The following XKR9 variants were observed in gnomAD, a reference collection of about 807,000 sequenced individuals.
The protein encoded by XKR9 is XK-related protein 9.
A neutral mutation model predicts 32.0 loss-of-function variants in XKR9; 32 were observed. The ratio of observed to expected loss-of-function variants is 1.00; its 90% CI spans 0.76 to 1.34. The LOEUF is 1.34. XKR9 is among the 40% of genes most tolerant of loss of function. The pLI is 0.00. For missense variants in XKR9, 546 were observed against 429.7 expected (o/e 1.27, Z -2.39); for synonymous variants, 168 against 143.4 (o/e 1.17, Z -1.22).
intron 2 of XKR9, among the ~76,000 whole-genome samples, chr8:70,762,583 G>A (rs1272048706): frequency 6.6e-6 from 1 of 152,160 alleles, no homozygotes; most frequent in Non-Finnish European, 1.5e-5. Context: ...CACCTCACCT[G>A]CATCCATGGA....
At chr8:70,690,861 A>G (rs367715457) in intron 3 of XKR9, among the ~76,000 whole-genome samples, 9 of 152,036 alleles carry the variant, frequency 5.9e-5, no homozygotes, top group African/African-American at 2.2e-4. Flanking sequence ...TGTCTTTGCT[A>G]TTGTGAACAG....
At chr8:70,784,230 T>C (rs941302178) in intron 2 of XKR9, among the ~76,000 whole-genome samples, 1 of 152,214 alleles carries the variant, frequency 6.6e-6, no homozygotes, top group Non-Finnish European at 1.5e-5. Context: ...TTTTTCCATT[T>C]CTATGTAAAA....
the XKR9 span, among the ~76,000 whole-genome samples, chr8:70,984,800 A>G: frequency 6.6e-6 from 1 of 152,246 alleles, no homozygotes. Flanking sequence ...AACTAAAAAA[A>G]TATTAATTGG....
chr8:71,032,059 T>C, the XKR9 span, among the ~76,000 whole-genome samples: 4 of 152,124 alleles, frequency 2.6e-5, no homozygotes, highest in Non-Finnish European at 4.4e-5. Context: ...TTTGGCAGGC[T>C]GAGGTGGGTG....
At chr8:70,713,695 AATG>A (rs1805995752) in intron 4 of XKR9, among the ~76,000 whole-genome samples, 1 of 152,170 alleles carries the variant, frequency 6.6e-6, no homozygotes, top group Non-Finnish European at 1.5e-5. Flanking sequence ...AATACAGGAC[AATG>A]ATAACATGTA....
At chr8:70,840,593 C>A in the XKR9 span, among the ~76,000 whole-genome samples, 2 of 152,004 alleles carry the variant, frequency 1.3e-5, no homozygotes, top group Non-Finnish European at 2.9e-5. Flanking sequence ...TGATTCCATC[C>A]TCAGACTTCT....
chr8:70,764,233 C>A (rs925511615), intron 2 of XKR9, among the ~76,000 whole-genome samples: 1 of 152,152 alleles, frequency 6.6e-6, no homozygotes, highest in African/African-American at 2.4e-5. Context: ...CTTCTCTGCC[C>A]TCTTTACTCT....
chr8:70,816,819 T>G, the XKR9 span, among the ~76,000 whole-genome samples: 1 of 152,178 alleles, frequency 6.6e-6, no homozygotes, highest in Admixed American at 6.5e-5. Flanking sequence ...TGGTTCAACA[T>G]GTGCAAATCA....
At chr8:70,908,380 AC>A in the XKR9 span, among the ~76,000 whole-genome samples, 1 of 152,134 alleles carries the variant, frequency 6.6e-6, no homozygotes, top group Admixed American at 6.6e-5. Context: ...TGTCAATATA[AC>A]CCTCTAAATC....
chr8:70,815,049 A>G, the XKR9 span, among the ~76,000 whole-genome samples: 15 of 152,298 alleles, frequency 9.8e-5, no homozygotes, highest in African/African-American at 3.6e-4. Flanking sequence ...AAAGATCTCT[A>G]TAAGGACAAG....
the XKR9 span, among the ~76,000 whole-genome samples, chr8:70,953,362 A>C: frequency 5.9e-5 from 9 of 152,214 alleles, no homozygotes; most frequent in Non-Finnish European, 1.3e-4. Flanking sequence ...CCTAGGCTGG[A>C]GTGCAGTAGC....
intron 1 of XKR9, among the ~76,000 whole-genome samples, chr8:70,672,737 C>G (rs1009649987): frequency 6.6e-6 from 1 of 152,034 alleles, no homozygotes; most frequent in African/African-American, 2.4e-5. Context: ...CTGTTATTGT[C>G]TTTTTAATAA....
At chr8:70,954,804 T>G in the XKR9 span, among the ~76,000 whole-genome samples, 1 of 152,228 alleles carries the variant, frequency 6.6e-6, no homozygotes, top group African/African-American at 2.4e-5. Flanking sequence ...ACAACAGTAC[T>G]GATCGTTTTT....
At chr8:70,978,187 CA>C in the XKR9 span, among the ~76,000 whole-genome samples, 2 of 152,108 alleles carry the variant, frequency 1.3e-5, no homozygotes, top group African/African-American at 4.8e-5. Context: ...ACTCTTTATC[CA>C]ATTTGCCAGT....
chr8:71,032,920 G>C, the XKR9 span, among the ~76,000 whole-genome samples: 4 of 151,866 alleles, frequency 2.6e-5, no homozygotes, highest in African/African-American at 9.7e-5. Context: ...CCCCGTCTCT[G>C]CTAAAAATAC....
the XKR9 span, among the ~76,000 whole-genome samples, chr8:70,942,285 G>A: frequency 3.3e-5 from 5 of 152,222 alleles, no homozygotes; most frequent in African/African-American, 4.8e-5. Context: ...GTTAAAAAGC[G>A]ATCTTAGTTG....
At chr8:70,679,762 CTA>C (rs985364368) in intron 2 of XKR9, among the ~76,000 whole-genome samples, 1 of 152,050 alleles carries the variant, frequency 6.6e-6, no homozygotes, top group Non-Finnish European at 1.5e-5. Context: ...TTCATTCAGA[CTA>C]TGTTTATAAA....
chr8:70,868,205 G>C, the XKR9 span, among the ~76,000 whole-genome samples: 4 of 152,134 alleles, frequency 2.6e-5, no homozygotes, highest in Non-Finnish European at 5.9e-5. Flanking sequence ...TACCATTCTG[G>C]GGTTTGGGAG....
the XKR9 span, among the ~76,000 whole-genome samples, chr8:70,988,468 G>T: frequency 6.6e-6 from 1 of 152,070 alleles, no homozygotes; most frequent in Non-Finnish European, 1.5e-5. Flanking sequence ...CGGTGCTGGA[G>T]TTATTGTAGC....
Sources: allele counts gnomAD v4.1 joint callset (sites outside exome capture counted in the v4.1 genomes callset), GRCh38; gene constraint gnomAD v4.1.1; transcripts MANE v1.5; gene names NCBI Gene and HGNC (gene_info 2026-07-23, HGNC 2026-07-21).